Variants in RTL4 observed in about 807,000 individuals in gnomAD.
RTL4 encodes retrotransposon Gag like 4, also known as retrotransposon Gag-like protein 4.
A neutral mutation model predicts 5.3 loss-of-function variants in RTL4; 4 were observed. That is an observed-to-expected ratio of 0.75 (90% CI 0.37 to 1.72). RTL4 has a LOEUF of 1.72. Among genes scored for constraint, RTL4 ranks in the 40% most tolerant of loss-of-function variants. The pLI is 0.04. For missense variants in RTL4, 260 were observed against 227.1 expected (o/e 1.14, Z -0.93); for synonymous variants, 98 against 87.3 (o/e 1.12, Z -0.68).
chrX:112,422,389 T>C, the RTL4 span, among the ~76,000 whole-genome samples: 1 of 111,076 alleles, frequency 9.0e-6, no homozygotes, highest in African/African-American at 3.3e-5. Flanking sequence ...TGAAACCTAT[T>C]TGCTATCTAT....
chrX:112,185,327 C>T, the RTL4 span, among the ~76,000 whole-genome samples: 7 of 104,379 alleles, frequency 6.7e-5, no homozygotes, highest in Admixed American at 7.4e-4. Flanking sequence ...TTCACTTTTA[C>T]CCAAATTTAC....
At chrX:112,249,632 G>A in the RTL4 span, among the ~76,000 whole-genome samples, 1 of 109,941 alleles carries the variant, frequency 9.1e-6, no homozygotes, top group African/African-American at 3.3e-5. Flanking sequence ...CTTCAGACTC[G>A]GACTCAGATT....
the RTL4 span, among the ~76,000 whole-genome samples, chrX:112,399,294 T>G: frequency 8.9e-6 from 1 of 111,816 alleles, no homozygotes; most frequent in Non-Finnish European, 1.9e-5. Context: ...TTCATTGATT[T>G]TCTCTATTGT....
the RTL4 span, among the ~76,000 whole-genome samples, chrX:112,182,365 G>A: frequency 8.9e-6 from 1 of 111,865 alleles, no homozygotes; most frequent in Non-Finnish European, 1.9e-5. Context: ...GGCTTCAGAA[G>A]GTGTGTAATA....
chrX:112,306,093 A>G, the RTL4 span, among the ~76,000 whole-genome samples: 1 of 111,737 alleles, frequency 8.9e-6, no homozygotes, highest in African/African-American at 3.3e-5. Flanking sequence ...GCTGGTTTTC[A>G]AAAGTCTTAT....
the RTL4 span, among the ~76,000 whole-genome samples, chrX:112,339,255 T>C: frequency 1.2e-4 from 13 of 111,894 alleles, no homozygotes; most frequent in Non-Finnish European, 2.1e-4. Context: ...AGAATATAGC[T>C]GGGATAACTA....
chrX:112,354,756 G>A, the RTL4 span, among the ~76,000 whole-genome samples: 1 of 110,913 alleles, frequency 9.0e-6, no homozygotes, highest in East Asian at 2.9e-4. Context: ...CAGAAGGAAA[G>A]TGAGATGATA....
the RTL4 span, among the ~76,000 whole-genome samples, chrX:112,196,786 A>G: frequency 9.0e-6 from 1 of 111,498 alleles, no homozygotes; most frequent in Non-Finnish European, 1.9e-5. Flanking sequence ...TCTTTAGTAG[A>G]ATGTCTCTTC....
At chrX:112,313,340 G>A in the RTL4 span, among the ~76,000 whole-genome samples, 2 of 110,995 alleles carry the variant, frequency 1.8e-5, no homozygotes, top group Non-Finnish European at 3.8e-5. Flanking sequence ...TGGTAGTTAG[G>A]GGAGATAAGA....
the RTL4 span, among the ~76,000 whole-genome samples, chrX:112,234,918 A>G: frequency 4.5e-5 from 5 of 111,573 alleles, no homozygotes; most frequent in East Asian, 5.7e-4. Flanking sequence ...GACTGCTTCT[A>G]TTCACCCTGG....
chrX:112,356,190 C>T, the RTL4 span, among the ~76,000 whole-genome samples: 9 of 111,226 alleles, frequency 8.1e-5, no homozygotes, highest in Non-Finnish European at 1.7e-4. Flanking sequence ...GGGAGATTTT[C>T]CCTAGCACAA....
At chrX:112,406,405 C>T in the RTL4 span, among the ~76,000 whole-genome samples, 2 of 110,796 alleles carry the variant, frequency 1.8e-5, no homozygotes, top group Non-Finnish European at 3.8e-5. Flanking sequence ...ATGGCCAGAG[C>T]AGGAGGAAGA....
At chrX:112,113,883 C>A in the RTL4 span, among the ~76,000 whole-genome samples, 85 of 111,846 alleles carry the variant, frequency 7.6e-4, no homozygotes, top group African/African-American at 2.7e-3. Context: ...ATGACTTAGG[C>A]TGCAGCCTTT....
chrX:112,231,845 G>A, the RTL4 span, among the ~76,000 whole-genome samples: 1 of 110,790 alleles, frequency 9.0e-6, no homozygotes, highest in South Asian at 3.9e-4. Flanking sequence ...AGACTGAGAA[G>A]GATTATGTGG....
the RTL4 span, among the ~76,000 whole-genome samples, chrX:112,302,553 A>G: frequency 8.9e-6 from 1 of 112,354 alleles, no homozygotes; most frequent in African/African-American, 3.2e-5. Flanking sequence ...AATAGTGTAA[A>G]TTGTGTAAAT....
the RTL4 span, among the ~76,000 whole-genome samples, chrX:112,214,898 C>G: frequency 9.1e-6 from 1 of 110,163 alleles, no homozygotes; most frequent in African/African-American, 3.3e-5. Flanking sequence ...ATGCCATTCT[C>G]CTGCCTCAGC....
chrX:112,248,579 T>C, the RTL4 span, among the ~76,000 whole-genome samples: 1 of 112,279 alleles, frequency 8.9e-6, no homozygotes, highest in Non-Finnish European at 1.9e-5. Flanking sequence ...ATATACCCTA[T>C]CATTCTTATA....
chrX:112,286,149 A>G, the RTL4 span, among the ~76,000 whole-genome samples: 1 of 112,196 alleles, frequency 8.9e-6, no homozygotes, highest in Non-Finnish European at 1.9e-5. Flanking sequence ...ACTAATTAAG[A>G]AAAAAACTGA....
chrX:112,093,796 G>A, the RTL4 span, among the ~76,000 whole-genome samples: 3 of 112,088 alleles, frequency 2.7e-5, no homozygotes, highest in Non-Finnish European at 5.6e-5. Flanking sequence ...GAGAGGATTT[G>A]GGATGATATT....
Sources: gnomAD v4.1 joint callset for allele counts (sites outside exome capture counted in the v4.1 genomes callset) on GRCh38, gnomAD v4.1.1 for gene constraint, MANE v1.5 for transcripts, NCBI Gene and HGNC (gene_info 2026-07-23, HGNC 2026-07-21) for gene names.